Variants in MBTD1 observed in about 807,000 individuals in gnomAD.
The protein encoded by MBTD1 is MBT domain-containing protein 1.
MBTD1 carries 24 observed loss-of-function variants against 87.8 expected under a neutral mutation model. The observed-to-expected ratio is 0.27, with a 90% CI of 0.20 to 0.38. The LOEUF is 0.38. Ranked by LOEUF, MBTD1 falls within the 10% of genes least tolerant of loss-of-function variation. MBTD1 has a pLI of 1.00. For synonymous variants in MBTD1, 237 were observed against 248.6 expected (o/e 0.95, Z 0.44); for missense variants, 436 against 760.2 (o/e 0.57, Z 5.02).
rs181114527 is a variant in MBTD1 at position 51,180,366 on chromosome 17, C to T, written c.*210G>A. 4.0e-5 allele frequency: 17 copies of T among 427,254 alleles called. No individual in the cohort carries two copies. Among genetic ancestry groups the T allele is most frequent in the African/African-American group, 3.1e-4 (15 of 48,336 alleles). 26.5% of individuals were successfully genotyped at this position (427,254 alleles called of 1,614,324 possible). ...TCTTTCAAAAGCTTCAAATACAACA[C>T]AAAAATTGTCCATCTTTATAAATTG... On this transcript the variant is annotated 3_prime_UTR_variant, in exon 17 of 17. Coordinates refer to ENST00000586178, the MANE Select transcript of MBTD1 (RefSeq NM_017643.3).
intron 2 of MBTD1, among the ~76,000 whole-genome samples, chr17:51,243,865 C>T (rs534207234): frequency 1.3e-5 from 2 of 152,244 alleles, no homozygotes; most frequent in South Asian, 2.1e-4. Flanking sequence ...GCCCCTTCCC[C>T]CTTAACAGAA....
At chr17:51,187,797 C>T (rs993104328) in intron 16 of MBTD1, among the ~76,000 whole-genome samples, 45 of 149,300 alleles carry the variant, frequency 3.0e-4, no homozygotes, top group African/African-American at 1.0e-3. Context: ...TGTGGCGAGC[C>T]GACAGTGCAC....
At chr17:51,191,260 CT>C (rs10545166) in intron 16 of MBTD1, among the ~76,000 whole-genome samples, 155 of 136,588 alleles carry the variant, frequency 1.1e-3, no homozygotes, top group African/African-American at 2.4e-3. Context: ...GAAAGAATTT[CT>C]TTTTTTTTTT....
chr17:51,204,370 C>T (rs2051681391), intron 7 of MBTD1, among the ~76,000 whole-genome samples: 1 of 146,648 alleles, frequency 6.8e-6, no homozygotes, highest in Admixed American at 6.8e-5. Flanking sequence ...GATTCTCCTA[C>T]CTCAGCCTCC....
chr17:51,195,619 T>C (rs562444514), intron 12 of MBTD1, among the ~76,000 whole-genome samples: 1 of 152,232 alleles, frequency 6.6e-6, no homozygotes, highest in African/African-American at 2.4e-5. Context: ...CGTTTGACCA[T>C]AGCTATAGCT....
chr17:51,215,723 G>C (rs1057432586), intron 6 of MBTD1, among the ~76,000 whole-genome samples: 1 of 152,038 alleles, frequency 6.6e-6, no homozygotes, highest in African/African-American at 2.4e-5. Flanking sequence ...ACTTTACACA[G>C]AAATAAGATT....
chr17:51,202,219 T>G, intron 10 of MBTD1, 142 bp from the exon 11 acceptor site: 1 of 626,598 alleles, frequency 1.6e-6, no homozygotes, highest in Non-Finnish European at 2.8e-6. Flanking sequence ...GGGGTGAATA[T>G]TCTTTAATAG....
rs538545514 is a variant in MBTD1 at position 51,253,840 on chromosome 17, T to C, written c.-49+5303A>G. ...AAATCTACAAGGGAATTAAAAAGCA[T>C]AGTCATTAACTTATTGGTATAACCA... is the stretch of plus-strand genomic sequence containing the variant. On this transcript the variant is annotated intron_variant, in intron 2 of 16. Coordinates refer to ENST00000586178, the MANE Select transcript of MBTD1 (RefSeq NM_017643.3). Among the ~76,000 whole-genome samples the C allele has an allele frequency of 1.2e-3, 176 of 152,320 alleles. 4 individuals are homozygous for C. The South Asian group carries it at 0.034, about 29-fold the overall frequency.
chr17:51,240,282 G>A (rs1034382762), intron 2 of MBTD1, among the ~76,000 whole-genome samples: 1 of 152,136 alleles, frequency 6.6e-6, no homozygotes, highest in African/African-American at 2.4e-5. Flanking sequence ...TAGGTACACT[G>A]TCATTAACTA....
chr17:51,220,533 A>G (rs1352547460), intron 3 of MBTD1, 70 bp from the exon 4 acceptor site: 18 of 1,363,890 alleles, frequency 1.3e-5, no homozygotes, highest in Admixed American at 2.6e-5. Context: ...AACAGTTTAA[A>G]TAATTTCTCC....
intron 2 of MBTD1, among the ~76,000 whole-genome samples, chr17:51,243,341 A>G (rs1185414798): frequency 1.3e-5 from 2 of 152,008 alleles, no homozygotes; most frequent in African/African-American, 4.8e-5. Flanking sequence ...AACTTTCAGG[A>G]AAGTTAGAAG....
intron 2 of MBTD1, among the ~76,000 whole-genome samples, chr17:51,245,792 A>G (rs1433401013): frequency 2.0e-5 from 3 of 152,066 alleles, no homozygotes; most frequent in Admixed American, 2.0e-4. Context: ...AGAGCTAGAT[A>G]CCCCCTCAAA....
intron 13 of MBTD1, 36 bp from the exon 14 acceptor site, chr17:51,193,546 T>G: frequency 8.8e-7 from 1 of 1,130,454 alleles, no homozygotes. Context: ...GCAGTTCATT[T>G]AAAATTAGCA....
intron 16 of MBTD1, among the ~76,000 whole-genome samples, chr17:51,181,758 G>C (rs1466672330): frequency 6.6e-6 from 1 of 152,216 alleles, no homozygotes; most frequent in African/African-American, 2.4e-5. Context: ...CGGGAGGCCA[G>C]TTCAAAGCTG....
intron 6 of MBTD1, among the ~76,000 whole-genome samples, chr17:51,210,229 G>A (rs1179289168): frequency 1.3e-5 from 2 of 151,860 alleles, no homozygotes; most frequent in Non-Finnish European, 2.9e-5. Context: ...GACCTCAGAC[G>A]ATCTGCCTGC....
At chr17:51,188,947 G>A (rs113177329) in intron 16 of MBTD1, among the ~76,000 whole-genome samples, 2,698 of 151,916 alleles carry the variant, frequency 0.018, 85 homozygotes, top group African/African-American at 0.062. Context: ...TAGTAGAGAC[G>A]GGGTTTCTCC....
At chr17:51,248,321 C>G (rs1254215437) in intron 2 of MBTD1, among the ~76,000 whole-genome samples, 1 of 152,150 alleles carries the variant, frequency 6.6e-6, no homozygotes, top group Non-Finnish European at 1.5e-5. Flanking sequence ...GTGTTTAGGG[C>G]TATGAATTTT....
intron 16 of MBTD1, among the ~76,000 whole-genome samples, chr17:51,182,315 TG>T (rs1190503930): frequency 1.3e-5 from 2 of 151,904 alleles, no homozygotes; most frequent in Admixed American, 6.6e-5. Flanking sequence ...TTAGTAGAGA[TG>T]GGGTTTTGCC....
rs1283385029 is a variant in MBTD1, at chr17:51,218,918, C to T, written c.403+12G>A. 3 of 1,447,842 alleles carry T rather than the reference C, an allele frequency of 2.1e-6. No homozygotes were observed. Among genetic ancestry groups the T allele is most frequent in the African/African-American group, 1.4e-5 (1 of 71,146 alleles). The allele number at this position is 1,447,842 out of a possible 1,614,324, so 89.7% of individuals were successfully genotyped here. Reference sequence around the variant, plus strand: ...TCATATATTTCACCTCTGTCAGATTCACCAATATTACCTGCTTTTGTCTTT... The same window carrying T: ...TCATATATTTCACCTCTGTCAGATTTACCAATATTACCTGCTTTTGTCTTT... On this transcript the variant is annotated intron_variant, in intron 5 of 16. Transcript: ENST00000586178.
Sources: gnomAD v4.1 joint callset for allele counts (sites outside exome capture counted in the v4.1 genomes callset) on GRCh38, gnomAD v4.1.1 for gene constraint, MANE v1.5 for transcripts, NCBI Gene and HGNC (gene_info 2026-07-23, HGNC 2026-07-21) for gene names.